The following MKLN1 variants were observed in gnomAD, a reference collection of about 807,000 sequenced individuals.
MKLN1 encodes muskelin 1.
A neutral mutation model predicts 99.0 loss-of-function variants in MKLN1; 18 were observed. That is an observed-to-expected ratio of 0.18 (90% confidence interval 0.13 to 0.27). MKLN1 has a LOEUF of 0.27. MKLN1 is among the 10% of genes least tolerant of loss of function. The pLI, the probability that MKLN1 is intolerant of heterozygous loss-of-function variation, is 1.00. For missense variants in MKLN1, 621 were observed against 875.9 expected (o/e 0.71, Z 3.67); for synonymous variants, 288 against 293.2 (o/e 0.98, Z 0.18).
intron 3 of MKLN1, among the ~76,000 whole-genome samples, chr7:131,272,191 G>C (rs1401936437): frequency 6.6e-6 from 1 of 152,194 alleles, no homozygotes; most frequent in South Asian, 2.1e-4. Flanking sequence ...TGGGTGGAAG[G>C]CTACATGCAG....
intron 8 of MKLN1, among the ~76,000 whole-genome samples, chr7:131,424,108 A>G (rs1795284155): frequency 6.6e-6 from 1 of 152,204 alleles, no homozygotes; most frequent in African/African-American, 2.4e-5. Flanking sequence ...AAAAATTGTC[A>G]TGTTAATTTA....
chr7:131,312,195 G>T (rs1798579259), intron 3 of MKLN1, among the ~76,000 whole-genome samples: 1 of 152,000 alleles, frequency 6.6e-6, no homozygotes, highest in African/African-American at 2.4e-5. Flanking sequence ...GCTAATTTTT[G>T]TATTTTTAGT....
At chr7:131,118,468 G>A (rs186156117) in intron 1 of MKLN1, among the ~76,000 whole-genome samples, 15 of 152,010 alleles carry the variant, frequency 9.9e-5, no homozygotes, top group Middle Eastern at 3.4e-3. Flanking sequence ...CAAGAGAATC[G>A]CTTGAACCTG....
intron 1 of MKLN1, among the ~76,000 whole-genome samples, chr7:131,356,757 G>A (rs563406665): frequency 6.6e-6 from 1 of 152,238 alleles, no homozygotes; most frequent in East Asian, 1.9e-4. Flanking sequence ...TGGCCACTAG[G>A]GAATGTATCC....
At chr7:131,372,509 G>A (rs1004484460) in intron 1 of MKLN1, among the ~76,000 whole-genome samples, 2 of 151,940 alleles carry the variant, frequency 1.3e-5, no homozygotes, top group Non-Finnish European at 2.9e-5. Context: ...TGCAACACTT[G>A]ATTCTTTACA....
chr7:131,202,028 T>C (rs969573655), intron 2 of MKLN1, among the ~76,000 whole-genome samples: 1 of 152,122 alleles, frequency 6.6e-6, no homozygotes, highest in Non-Finnish European at 1.5e-5. Flanking sequence ...GACTAGGGTC[T>C]GCGGGTGAAA....
At chr7:131,210,598 G>A (rs1163037459) in intron 3 of MKLN1, among the ~76,000 whole-genome samples, 3 of 144,858 alleles carry the variant, frequency 2.1e-5, no homozygotes, top group Non-Finnish European at 3.0e-5. Context: ...AGCTACTTGG[G>A]AGGCTGAGGT....
At chr7:131,326,065 T>G (rs1798882947), upstream of MKLN1, among the ~76,000 whole-genome samples, 1 of 152,148 alleles carries the variant, frequency 6.6e-6, no homozygotes, top group Non-Finnish European at 1.5e-5. Flanking sequence ...GAACTATGTC[T>G]GGAAAAGAAC....
chr7:131,156,812 C>T (rs1795976364), intron 2 of MKLN1, among the ~76,000 whole-genome samples: 1 of 152,146 alleles, frequency 6.6e-6, no homozygotes, highest in African/African-American at 2.4e-5. Flanking sequence ...CATCTGAGTG[C>T]TTCATGTATG....
chr7:131,262,901 C>T (rs1797754356), intron 3 of MKLN1, among the ~76,000 whole-genome samples: 1 of 152,086 alleles, frequency 6.6e-6, no homozygotes, highest in South Asian at 2.1e-4. Context: ...TCTCCACACT[C>T]ACATACATTT....
chr7:131,228,556 T>C lies in MKLN1; in HGVS notation c.-179+25582T>C, dbSNP rs191178267. 4.4e-3 allele frequency among the ~76,000 whole-genome samples: 669 copies of C among 152,372 alleles called. 4 individuals are homozygous for C. The highest frequency in any genetic ancestry group is 0.01 in the South Asian group (50 of 4,824). On this transcript the variant is annotated intron_variant, in intron 3 of 7. Transcript: ENST00000416992. ...ATTAGGGGTTTTTCCCTAATTCTTA[T>C]CCTTTCTCAGCCTCGCTTTCTTCAT...
intron 3 of MKLN1, among the ~76,000 whole-genome samples, chr7:131,231,105 GC>G (rs1347745416): frequency 2.9e-5 from 3 of 102,332 alleles, no homozygotes; most frequent in Non-Finnish European, 5.3e-5. Flanking sequence ...GGGTGACAGA[GC>G]AAGACTCTGT....
intron 6 of MKLN1, among the ~76,000 whole-genome samples, chr7:131,402,165 T>C (rs1205152122): frequency 6.6e-6 from 1 of 152,220 alleles, no homozygotes; most frequent in Non-Finnish European, 1.5e-5. Flanking sequence ...GCTAAGTTTA[T>C]GTAATATTCT....
chr7:131,400,251 C>T (rs1265505522), intron 6 of MKLN1, among the ~76,000 whole-genome samples: 3 of 151,304 alleles, frequency 2.0e-5, no homozygotes, highest in Non-Finnish European at 4.4e-5. Context: ...TCATATTTAT[C>T]AGATATTGGG....
At chr7:131,411,035 A>C (rs1396845594) in intron 6 of MKLN1, among the ~76,000 whole-genome samples, 1 of 152,184 alleles carries the variant, frequency 6.6e-6, no homozygotes, top group Non-Finnish European at 1.5e-5. Context: ...TATCTAATAC[A>C]TACAGTGATG....
chr7:131,375,055 C>T (rs577510660), intron 1 of MKLN1, among the ~76,000 whole-genome samples: 296 of 151,854 alleles, frequency 1.9e-3, no homozygotes, highest in African/African-American at 6.9e-3. Flanking sequence ...TCAAGTCTTC[C>T]TCCAAGTAGC....
At chr7:131,177,569 A>G (rs1443909405) in intron 2 of MKLN1, among the ~76,000 whole-genome samples, 4 of 151,832 alleles carry the variant, frequency 2.6e-5, no homozygotes, top group Admixed American at 2.0e-4. Context: ...ATATGTGTAT[A>G]TAATAAGCCT....
chr7:131,270,634 ATTTCT>A (rs1318589525), intron 3 of MKLN1, among the ~76,000 whole-genome samples: 1 of 152,154 alleles, frequency 6.6e-6, no homozygotes, highest in Non-Finnish European at 1.5e-5. Flanking sequence ...CTATTTATTC[ATTTCT>A]TTTCCATTTG....
chr7:131,132,552 T>C (rs1174084307), intron 1 of MKLN1, among the ~76,000 whole-genome samples: 1 of 152,148 alleles, frequency 6.6e-6, no homozygotes, highest in East Asian at 1.9e-4. Context: ...GGCTGTCGTA[T>C]GGAAAAAAGT....
Sources: allele counts gnomAD v4.1 joint callset (sites outside exome capture counted in the v4.1 genomes callset), GRCh38; gene constraint gnomAD v4.1.1; transcripts MANE v1.5; gene names NCBI Gene and HGNC (gene_info 2026-07-23, HGNC 2026-07-21).